Variants in NCOA2 observed in about 807,000 individuals in gnomAD.
NCOA2 encodes nuclear receptor coactivator 2, also known as class E basic helix-loop-helix protein 75.
NCOA2 carries 21 observed loss-of-function variants against 145.1 expected under a neutral mutation model. That is an observed-to-expected ratio of 0.14 (90% confidence interval 0.10 to 0.21). NCOA2 has a LOEUF of 0.21. NCOA2 is among the 10% of genes least tolerant of loss of function. The pLI is 1.00. For synonymous variants in NCOA2, 619 were observed against 637.5 expected, an observed-to-expected ratio of 0.97 and a Z score of 0.44; for missense variants, 1,472 against 1,837.6, an observed-to-expected ratio of 0.80 and a Z score of 3.64.
chr8:70,414,837 A>G, the NCOA2 span, among the ~76,000 whole-genome samples: 1 of 152,226 alleles, frequency 6.6e-6, no homozygotes, highest in African/African-American at 2.4e-5. Context: ...AAGCCTTTTG[A>G]CACAACTAAT....
intron 2 of NCOA2, among the ~76,000 whole-genome samples, chr8:70,267,061 A>AT (rs1824658864): frequency 6.6e-6 from 1 of 152,174 alleles, no homozygotes; most frequent in South Asian, 2.1e-4. Flanking sequence ...CAATTACAGC[A>AT]TTTTCTTGTG....
At position 70,170,271 on chromosome 8, in the gene NCOA2, T is replaced by C. The variant is rs1814102539; in HGVS notation, c.472A>G (p.Ser158Gly). ...RYNQEELMNK[S>G]VYSILHVGDH... is the part of the protein sequence containing the mutation. ...CCAACATGCAAGATGCTATATACAC[T>C]TTTGTTCATCAGCTCTTCTTGGTTA... The change falls in exon 6 of 23, where the codon AGT becomes GGT. Residue 158 changes from serine to glycine, a missense_variant. Ser to Gly is a moderately conservative substitution (Grantham distance 56). This residue lies in a region of NCOA2 where 284 missense variants were observed against 467.8 expected (regional missense o/e 0.61). Transcript: ENST00000452400. The C allele has an allele frequency of 1.2e-6, 2 of 1,612,780 alleles. No homozygotes were observed. Among genetic ancestry groups the C allele is most frequent in the Non-Finnish European group, 1.7e-6 (2 of 1,179,470 alleles).
the NCOA2 span, among the ~76,000 whole-genome samples, chr8:70,418,405 A>T: frequency 3.3e-5 from 5 of 152,258 alleles, no homozygotes; most frequent in Non-Finnish European, 7.3e-5. Context: ...AATGCTGTGT[A>T]GAATGCCATG....
chr8:70,369,759 TCAAGCTCTGGG>T (rs1400433080), intron 1 of NCOA2, among the ~76,000 whole-genome samples: 1 of 152,134 alleles, frequency 6.6e-6, no homozygotes, highest in Non-Finnish European at 1.5e-5. Context: ...ACAACCTGAG[TCAAGCTCTGGG>T]CACATAGTAG....
chr8:70,431,047 A>T, the NCOA2 span, among the ~76,000 whole-genome samples: 3 of 152,336 alleles, frequency 2.0e-5, no homozygotes, highest in East Asian at 3.9e-4. Flanking sequence ...TGCAAATGAC[A>T]TTAAAACACT....
intron 11 of NCOA2, among the ~76,000 whole-genome samples, chr8:70,153,023 G>C (rs778106700): frequency 1.3e-5 from 2 of 152,178 alleles, no homozygotes; most frequent in African/African-American, 2.4e-5. Context: ...AGAGGTGAAA[G>C]AATCATTGTT....
intron 1 of NCOA2, among the ~76,000 whole-genome samples, chr8:70,317,280 T>C (rs1805663246): frequency 6.6e-6 from 1 of 152,154 alleles, no homozygotes; most frequent in Admixed American, 6.5e-5. Flanking sequence ...AGTCACAACT[T>C]GACTGGTGGA....
chr8:70,255,306 T>TA lies in NCOA2; in HGVS notation c.-19-38543dup, dbSNP rs567086040. Among the ~76,000 whole-genome samples, 37 of 152,106 alleles carry TA rather than the reference T, an allele frequency of 2.4e-4. No individual in the cohort carries two copies. The East Asian group carries it at 4.4e-3, about 18-fold the overall frequency. Reference sequence around the variant, plus strand: ...ATTTAAAAGTATTTTTTGCCAAACTTAAAAAACAGGAGATCAGAATCATGT... The same window carrying TA: ...ATTTAAAAGTATTTTTTGCCAAACTTAAAAAAACAGGAGATCAGAATCATGT... On this transcript the variant is annotated intron_variant, in intron 2 of 22. Transcript: ENST00000452400.
the NCOA2 span, among the ~76,000 whole-genome samples, chr8:70,451,237 A>ATATATATATAT: frequency 5.8e-5 from 4 of 69,514 alleles, no homozygotes; most frequent in African/African-American, 3.0e-4. Context: ...AAAAAAAAAA[A>ATATATATATAT]ATATATATAT....
intron 4 of NCOA2, among the ~76,000 whole-genome samples, chr8:70,204,029 T>A (rs1371894884): frequency 1.3e-5 from 2 of 152,002 alleles, no homozygotes; most frequent in East Asian, 1.9e-4. Flanking sequence ...TTTTTTTTTT[T>A]AAGATGAGGT....
chr8:70,205,720 T>G (rs1445234011), intron 4 of NCOA2, among the ~76,000 whole-genome samples: 1 of 151,938 alleles, frequency 6.6e-6, no homozygotes, highest in Non-Finnish European at 1.5e-5. Context: ...AGGTTGTCGG[T>G]TGGAGCAAGG....
chr8:70,282,785 A>G (rs1042671532), intron 2 of NCOA2, among the ~76,000 whole-genome samples: 2 of 152,102 alleles, frequency 1.3e-5, no homozygotes, highest in Non-Finnish European at 2.9e-5. Flanking sequence ...AATATTGCTA[A>G]TAAGAGAGTC....
intron 10 of NCOA2, among the ~76,000 whole-genome samples, chr8:70,159,242 A>ATATATATATATATATATATATATATATT: frequency 1.6e-5 from 1 of 61,074 alleles, no homozygotes; most frequent in African/African-American, 5.4e-5. Flanking sequence ...ATATATATAT[A>ATATATATATATATATATATATATATATT]TTTTTTTTTT....
At chr8:70,315,110 T>C (rs1226906251) in intron 1 of NCOA2, among the ~76,000 whole-genome samples, 2 of 152,336 alleles carry the variant, frequency 1.3e-5, no homozygotes, top group African/African-American at 2.4e-5. Context: ...GTAAGATACT[T>C]GACACTGATT....
At chr8:70,343,873 T>A (rs1034910622) in intron 1 of NCOA2, among the ~76,000 whole-genome samples, 3 of 152,210 alleles carry the variant, frequency 2.0e-5, no homozygotes, top group African/African-American at 7.2e-5. Context: ...AACATAATCT[T>A]TCTAGAAAAA....
intron 2 of NCOA2, among the ~76,000 whole-genome samples, chr8:70,249,856 C>T (rs1460223900): frequency 6.7e-6 from 1 of 148,796 alleles, no homozygotes; most frequent in Non-Finnish European, 1.5e-5. Flanking sequence ...CCCAGCTACT[C>T]GGAGGCTAAG....
chr8:70,442,832 T>C, the NCOA2 span, among the ~76,000 whole-genome samples: 1 of 152,190 alleles, frequency 6.6e-6, no homozygotes, highest in Non-Finnish European at 1.5e-5. Flanking sequence ...ATGGCTCTTT[T>C]ATACCTCTTC....
the NCOA2 span, among the ~76,000 whole-genome samples, chr8:70,440,262 G>A: frequency 1.4e-3 from 208 of 152,090 alleles, no homozygotes; most frequent in African/African-American, 4.7e-3. Flanking sequence ...GGGCAACAGA[G>A]CGAGACTCCG....
chr8:70,445,221 T>C, the NCOA2 span, among the ~76,000 whole-genome samples: 1 of 152,224 alleles, frequency 6.6e-6, no homozygotes, highest in Non-Finnish European at 1.5e-5. Flanking sequence ...ACCTGCCTTA[T>C]TTTTAAATCA....
Sources: allele counts gnomAD v4.1 joint callset (sites outside exome capture counted in the v4.1 genomes callset), GRCh38; gene constraint gnomAD v4.1.1; regional missense constraint gnomAD v4.1.1; transcripts MANE v1.5; gene names NCBI Gene and HGNC (gene_info 2026-07-23, HGNC 2026-07-21).